BICDL1: variants seen among roughly 807,000 people sequenced by gnomAD.
BICDL1 encodes BICD family-like cargo adapter 1.
In BICDL1, 20 loss-of-function variants were observed where a neutral mutation model predicts 76.8. The ratio of observed to expected loss-of-function variants is 0.26; its 90% CI spans 0.18 to 0.38. BICDL1 has a LOEUF of 0.38. Ranked by LOEUF, BICDL1 falls within the 10% of genes least tolerant of loss-of-function variation. BICDL1 has a pLI of 1.00. For missense variants in BICDL1, 700 were observed against 798.6 expected, an observed-to-expected ratio of 0.88 and a Z score of 1.49; for synonymous variants, 383 against 337.1, an observed-to-expected ratio of 1.14 and a Z score of -1.49.
intron 2 of BICDL1, among the ~76,000 whole-genome samples, chr12:120,052,765 T>C (rs1952890495): frequency 6.6e-6 from 1 of 152,176 alleles, no homozygotes; most frequent in African/African-American, 2.4e-5. Flanking sequence ...GCTTGCCTAA[T>C]GATGATTTTC....
rs115363476 is a variant in BICDL1, at chr12:120,033,265, C to T, written c.646-28445C>T. On this transcript the variant is annotated intron_variant, in intron 2 of 9. Coordinates refer to ENST00000548673, the MANE Select transcript of BICDL1 (RefSeq NM_001367886.1). ...CTGTTCTATGTCTGGTGCATTATGC[C>T]TGGTCTTTTAAGTGTTATTTATTTT... 8.0e-3 allele frequency among the ~76,000 whole-genome samples: 1,211 copies of T among 151,392 alleles called. 16 individuals are homozygous for T. The highest frequency in any genetic ancestry group is 0.027 in the African/African-American group (1,104 of 41,056).
At chr12:120,061,620 A>G in intron 2 of BICDL1, 90 bp from the exon 3 acceptor site, 1 of 897,316 alleles carries the variant, frequency 1.1e-6, no homozygotes, top group Non-Finnish European at 1.9e-6. Flanking sequence ...TAGAAAGTGC[A>G]AAGAGATGCT....
rs1307995304 is a variant in BICDL1 at position 119,989,528 on chromosome 12, G to A, written c.-341G>A. ...GAACCCGGCGGCGGCGTTCCTCCTC[G>A]CTTCCTCCCCTCCCGCTTCGCCGAC... On this transcript the variant is annotated 5_prime_UTR_variant, in exon 1 of 10. Transcript: ENST00000548673. Among the ~76,000 whole-genome samples, 1 of 150,360 alleles carries A rather than the reference G, an allele frequency of 6.7e-6. No homozygotes were observed. Among genetic ancestry groups the A allele is most frequent in the Admixed American group, 6.6e-5 (1 of 15,136 alleles).
At chr12:120,056,133 G>C (rs772294416) in intron 2 of BICDL1, among the ~76,000 whole-genome samples, 10 of 152,324 alleles carry the variant, frequency 6.6e-5, no homozygotes, top group Non-Finnish European at 7.3e-5. Flanking sequence ...TACCTGTGGT[G>C]GGTGGCACTA....
chr12:120,013,791 T>G (rs1341357810), intron 2 of BICDL1, among the ~76,000 whole-genome samples: 1 of 152,120 alleles, frequency 6.6e-6, no homozygotes, highest in South Asian at 2.1e-4. Context: ...CAACAACACT[T>G]AGTGCCATGC....
In BICDL1 at chr12:120,093,935, G is replaced by A; in HGVS notation, c.*774G>A. 6.3e-6 allele frequency: 2 copies of A among 319,594 alleles called. No individual in the cohort carries two copies. Among genetic ancestry groups the A allele is most frequent in the South Asian group, 5.1e-5 (2 of 39,032 alleles). 19.8% of individuals were successfully genotyped at this position (319,594 alleles called of 1,614,324 possible). A position where few individuals can be genotyped will look rare whatever the true frequency, so the allele number is the denominator to read the frequency against. ...AGCCCTTTCCCCTGCTCAGGGCTGG[G>A]GTTGGACGGGGTCTCCTCCTCCCAC... is the stretch of plus-strand genomic sequence containing the variant. On this transcript the variant is annotated 3_prime_UTR_variant, in exon 10 of 10. Transcript: ENST00000548673.
At chr12:120,022,232 C>T (rs949171515) in intron 2 of BICDL1, among the ~76,000 whole-genome samples, 2 of 149,836 alleles carry the variant, frequency 1.3e-5, no homozygotes, top group African/African-American at 4.9e-5. Flanking sequence ...TATTCAGCTT[C>T]ACAGAAAAGC....
Position 120,072,551 on chromosome 12 carries a change from A to C in BICDL1, c.1130A>C (p.Tyr377Ser), listed in dbSNP as rs1462436804. 3 of 1,614,048 alleles carry C rather than the reference A, an allele frequency of 1.9e-6. No individual in the cohort carries two copies. The highest frequency in any genetic ancestry group is 2.5e-6 in the Non-Finnish European group (3 of 1,180,018). Residue 377 changes from tyrosine (Y) to serine (S), a missense_variant, in exon 6 of 10, where the codon TAT (tyrosine) becomes TCT (serine). By Grantham distance (144) the Tyr-to-Ser change is moderately radical. This residue lies in a region of BICDL1 where 455 missense variants were observed against 548.7 expected (regional missense o/e 0.83). Transcript: ENST00000548673. ...TGGGAAGCCTACTGCCAGGTTCGCT[A>C]TCTGTGCTCACACCTTCGAGGCAAT... ...QLWEAYCQVR[Y>S]LCSHLRGNDS...
At chr12:120,087,100 G>A (rs1337376904) in intron 8 of BICDL1, among the ~76,000 whole-genome samples, 1 of 152,274 alleles carries the variant, frequency 6.6e-6, no homozygotes, top group African/African-American at 2.4e-5. Flanking sequence ...AGGAGGCTGT[G>A]GCTGTCGTGG....
intron 8 of BICDL1, among the ~76,000 whole-genome samples, 163 bp downstream of exon 8, chr12:120,081,180 C>T (rs1384301833): frequency 2.5e-5 from 3 of 118,146 alleles, no homozygotes; most frequent in Non-Finnish European, 5.2e-5. Flanking sequence ...TTCCCATTCT[C>T]CTCCCCAGAC....
At position 120,061,745 on chromosome 12, in the gene BICDL1, C is replaced by A; in HGVS notation, c.681C>A (p.Val227=). Residue 227 remains valine, a synonymous_variant, in exon 3 of 10, where the codon GTC becomes GTA. Transcript: ENST00000548673. The stretch of plus-strand genomic sequence containing the variant: ...TTGAGAGACAACTCTCCATGCAGGT[C>A]CACGCCCTCAGAGAAGACTTTCGGG... The part of the protein sequence containing the change: ...SEVERQLSMQ[V]HALREDFREK... 6.2e-7 allele frequency: 1 copy of A among 1,614,162 alleles called. No individual in the cohort carries two copies. Among genetic ancestry groups the A allele is most frequent in the Non-Finnish European group, 8.5e-7 (1 of 1,179,996 alleles).
At position 120,014,915 on chromosome 12, in the gene BICDL1, CTTTG is replaced by C. The variant is rs948064571; in HGVS notation, c.645+16184_645+16187del. ...AGGAATTTATTTACCAAATAGAATC[CTTTG>C]TTTGAAAAAAAAATGAGTGAAAACA... is the stretch of plus-strand genomic sequence containing the variant. On this transcript the variant is annotated intron_variant, in intron 2 of 9. Transcript: ENST00000548673. Among the ~76,000 whole-genome samples, 4 of 151,878 alleles carry C rather than the reference CTTTG, an allele frequency of 2.6e-5. No individual in the cohort carries two copies. In the East Asian group the frequency reaches 5.8e-4, roughly 22 times the overall value.
At chr12:119,995,847 G>C (rs970175800) in intron 1 of BICDL1, among the ~76,000 whole-genome samples, 1 of 151,234 alleles carries the variant, frequency 6.6e-6, no homozygotes. Flanking sequence ...TTAGCTGGGC[G>C]TGGTGGTGGG....
At chr12:120,028,532 C>T (rs763075990) in intron 2 of BICDL1, among the ~76,000 whole-genome samples, 3 of 151,812 alleles carry the variant, frequency 2.0e-5, no homozygotes, top group Non-Finnish European at 4.4e-5. Flanking sequence ...AAACATTAGC[C>T]GGGCGTGGTG....
At chr12:120,011,413 T>G (rs554622002) in intron 2 of BICDL1, among the ~76,000 whole-genome samples, 1 of 152,186 alleles carries the variant, frequency 6.6e-6, no homozygotes, top group African/African-American at 2.4e-5. Flanking sequence ...TCTAAAGAGA[T>G]TAGAGTGGCT....
intron 2 of BICDL1, among the ~76,000 whole-genome samples, chr12:120,035,261 G>A (rs568420291): frequency 2.0e-5 from 3 of 152,254 alleles, no homozygotes; most frequent in Non-Finnish European, 4.4e-5. Context: ...GCTGGAACCC[G>A]GGAGGTGGAG....
chr12:120,057,818 C>CTTTTTTTTTTTTTTTTTTTTTTT (rs143777152), intron 2 of BICDL1, among the ~76,000 whole-genome samples: 1 of 78,324 alleles, frequency 1.3e-5, no homozygotes, highest in African/African-American at 6.4e-5. Context: ...GCGATTCCTG[C>CTTTTTTTTTTTTTTTTTTTTTTT]TTTTTTTTTT....
chr12:120,004,710 T>A (rs1362929944), intron 2 of BICDL1, among the ~76,000 whole-genome samples: 1 of 152,270 alleles, frequency 6.6e-6, no homozygotes, highest in Non-Finnish European at 1.5e-5. Flanking sequence ...TTGATTTATC[T>A]GGCTAGGATA....
Position 120,091,386 on chromosome 12 carries a change from T to C in BICDL1, c.1704+1315T>C, listed in dbSNP as rs79389045. On this transcript the variant is annotated intron_variant, in intron 9 of 9. Transcript: ENST00000548673. Reference sequence around the variant, plus strand: ...AGTTTTCAGTGTGCCAAACAAAACATTGGCAGCTTTGAAAGGTTGGTTTTT... The same window carrying C: ...AGTTTTCAGTGTGCCAAACAAAACACTGGCAGCTTTGAAAGGTTGGTTTTT... 3,384 of 1,011,416 alleles carry C rather than the reference T, an allele frequency of 3.3e-3. 43 individuals carry two copies. In the East Asian group the frequency reaches 0.047, roughly 14 times the overall value. The allele number at this position is 1,011,416 out of a possible 1,614,324, so 62.7% of individuals were successfully genotyped here. A position where few individuals can be genotyped will look rare whatever the true frequency, so the allele number is the denominator to read the frequency against.
Sources: allele counts gnomAD v4.1 joint callset (sites outside exome capture counted in the v4.1 genomes callset), GRCh38; gene constraint gnomAD v4.1.1; regional missense constraint gnomAD v4.1.1; transcripts MANE v1.5; gene names NCBI Gene and HGNC (gene_info 2026-07-23, HGNC 2026-07-21).